Variants in STRBP observed in about 807,000 individuals in gnomAD.
STRBP encodes the protein spermatid perinuclear RNA-binding protein.
STRBP carries 13 observed loss-of-function variants against 80.1 expected under a neutral mutation model. That is an observed-to-expected ratio of 0.16 (90% CI 0.11 to 0.26). The LOEUF is 0.26. STRBP is among the 10% of genes least tolerant of loss of function. The pLI is 1.00. For missense variants in STRBP, 485 were observed against 815.2 expected, an observed-to-expected ratio of 0.59 and a Z score of 4.93; for synonymous variants, 284 against 291.2, an observed-to-expected ratio of 0.98 and a Z score of 0.25.
At chr9:123,261,616 G>T (rs1053397601) in intron 1 of STRBP, among the ~76,000 whole-genome samples, 1 of 152,154 alleles carries the variant, frequency 6.6e-6, no homozygotes, top group Non-Finnish European at 1.5e-5. Context: ...ATCACAGTTA[G>T]TACTTATTTT....
intron 16 of STRBP, among the ~76,000 whole-genome samples, chr9:123,134,081 C>T (rs78333148): frequency 0.023 from 3,548 of 151,912 alleles, 60 homozygotes; most frequent in Non-Finnish European, 0.031. Flanking sequence ...CAGATAACAC[C>T]GGGAGTAACA....
chr9:123,178,309 G>A (rs2132448348), intron 4 of STRBP, among the ~76,000 whole-genome samples: 1 of 152,286 alleles, frequency 6.6e-6, no homozygotes, highest in East Asian at 1.9e-4. Flanking sequence ...ATCTTTCAAA[G>A]TTAGACACTT....
chr9:123,135,954 A>C, intron 16 of STRBP, 87 bp downstream of exon 16: 1 of 1,535,586 alleles, frequency 6.5e-7, no homozygotes, highest in Non-Finnish European at 8.8e-7. Flanking sequence ...CTTCAGAAAA[A>C]GCTAAAGTGC....
At position 123,125,627 on chromosome 9, in the gene STRBP, T is replaced by G. The variant is rs137916924; in HGVS notation, c.1989A>C (p.Thr663=). The change falls in exon 19 of 19, where the codon ACA becomes ACC. Residue 663 remains threonine (T), a synonymous_variant. Coordinates refer to ENST00000348403, the MANE Select transcript of STRBP (RefSeq NM_018387.5). ...MVLLPVMKFP[T]YPVPHYSFF is the part of the protein sequence containing the mutation. ...AGAATGAGTAGTGGGGAACAGGATATGTTGGAAATTTCATAACGGGTAACA... is the reference window on the plus strand; with the variant it reads ...AGAATGAGTAGTGGGGAACAGGATAGGTTGGAAATTTCATAACGGGTAACA... 1 of 1,613,526 alleles carries G rather than the reference T, an allele frequency of 6.2e-7. No individual in the cohort carries two copies. The highest frequency in any genetic ancestry group is 8.5e-7 in the Non-Finnish European group (1 of 1,179,810).
chr9:123,235,129 T>C (rs1198179405), intron 2 of STRBP, among the ~76,000 whole-genome samples: 11 of 151,984 alleles, frequency 7.2e-5, no homozygotes, highest in Non-Finnish European at 1.6e-4. Context: ...TGAAAGTGTT[T>C]TTCCATCAAT....
rs2037359613 is a variant in STRBP at position 123,157,936 on chromosome 9, T to G, written c.1045+76A>C. 5 of 1,064,656 alleles carry G rather than the reference T, an allele frequency of 4.7e-6. No individual in the cohort carries two copies. The East Asian group carries it at 1.2e-4, about 25-fold the overall frequency. The allele number at this position is 1,064,656 out of a possible 1,614,324, so 66.0% of individuals were successfully genotyped here. ...TGCACAATTATTAAGTTCCCTAAGTTGTAATGAGAGATGAATCCCATGATT... is the reference window on the plus strand; with the variant it reads ...TGCACAATTATTAAGTTCCCTAAGTGGTAATGAGAGATGAATCCCATGATT... On this transcript the variant is annotated intron_variant, in intron 11 of 18. Coordinates refer to ENST00000348403, the MANE Select transcript of STRBP (RefSeq NM_018387.5).
chr9:123,149,251 C>T (rs1318819518), intron 11 of STRBP, among the ~76,000 whole-genome samples: 1 of 152,134 alleles, frequency 6.6e-6, no homozygotes, highest in East Asian at 1.9e-4. Flanking sequence ...CAATATTTAC[C>T]ACTCAGGTTA....
At chr9:123,191,798 T>C (rs2038936128) in intron 2 of STRBP, among the ~76,000 whole-genome samples, 2 of 152,182 alleles carry the variant, frequency 1.3e-5, no homozygotes, top group South Asian at 4.1e-4. Context: ...TTAGGGCCCT[T>C]CTGGTCACTT....
At chr9:123,198,543 A>G (rs1262617027) in intron 2 of STRBP, among the ~76,000 whole-genome samples, 1 of 151,810 alleles carries the variant, frequency 6.6e-6, no homozygotes, top group South Asian at 2.1e-4. Flanking sequence ...ACTTTCACCT[A>G]TTGTGTGGGT....
chr9:123,252,604 T>C (rs2040940083), intron 1 of STRBP, among the ~76,000 whole-genome samples: 1 of 152,238 alleles, frequency 6.6e-6, no homozygotes. Context: ...AAGTACCTAG[T>C]ATTTAGATAT....
intron 2 of STRBP, among the ~76,000 whole-genome samples, chr9:123,199,701 C>T (rs2039241148): frequency 6.6e-6 from 1 of 152,202 alleles, no homozygotes; most frequent in African/African-American, 2.4e-5. Flanking sequence ...TGGTGTATAG[C>T]AGTGCTATCG....
chr9:123,211,203 G>C (rs183636803), intron 2 of STRBP, among the ~76,000 whole-genome samples: 2 of 152,164 alleles, frequency 1.3e-5, no homozygotes, highest in African/African-American at 2.4e-5. Flanking sequence ...ATTCGACAAA[G>C]TGAATGAACT....
At chr9:123,234,987 CT>C (rs1364881130) in intron 2 of STRBP, among the ~76,000 whole-genome samples, 217 of 72,512 alleles carry the variant, frequency 3.0e-3, no homozygotes, top group Admixed American at 5.6e-3. Flanking sequence ...GTTCAACTGG[CT>C]TTTTTTTTGG....
intron 1 of STRBP, among the ~76,000 whole-genome samples, chr9:123,238,748 A>G (rs964805448): frequency 4.6e-5 from 7 of 152,236 alleles, no homozygotes; most frequent in African/African-American, 1.7e-4. Context: ...CTTTCTAACA[A>G]TAAATCTCAC....
At position 123,122,953 on chromosome 9, in the gene STRBP, C is replaced by T. The variant is rs200293589; in HGVS notation, c.*2644G>A. Reference sequence around the variant, plus strand: ...AAAGGAAAAGTTTTAAAACAGACACCGTGGCTTTGAACAAAGTATTGCTCT... The same window carrying T: ...AAAGGAAAAGTTTTAAAACAGACACTGTGGCTTTGAACAAAGTATTGCTCT... On this transcript the variant is annotated 3_prime_UTR_variant, in exon 19 of 19. Transcript: ENST00000348403. 4.4e-5 allele frequency: 43 copies of T among 985,404 alleles called. No individual in the cohort carries two copies. In the Admixed American group the frequency reaches 2.3e-3, roughly 52 times the overall value. 61.0% of individuals were successfully genotyped at this position (985,404 alleles called of 1,614,324 possible).
Position 123,110,538 on chromosome 9 carries a change from G to A in STRBP, c.*85-785C>T. On this transcript the variant is annotated intron_variant and NMD_transcript_variant, in intron 3 of 3. Transcript: ENST00000471564. The surrounding 1 kb of genome is among the most constrained non-coding windows in gnomAD (Gnocchi z 4.1). Reference sequence around the variant, plus strand: ...AGGCCTGAGTCCAAGGATGCTTTGGGGAAAACGGGATAAACACTGCTAGGA... The same window carrying A: ...AGGCCTGAGTCCAAGGATGCTTTGGAGAAAACGGGATAAACACTGCTAGGA... The A allele has an allele frequency of 5.9e-6, 1 of 169,534 alleles. No homozygotes were observed. The highest frequency in any genetic ancestry group is 1.5e-5 in the Non-Finnish European group (1 of 68,332). The allele number at this position is 169,534 out of a possible 1,614,324, so 10.5% of individuals were successfully genotyped here. A position where few individuals can be genotyped will look rare whatever the true frequency, so the allele number is the denominator to read the frequency against.
At chr9:123,241,008 G>A (rs569871212) in intron 1 of STRBP, among the ~76,000 whole-genome samples, 79 of 151,918 alleles carry the variant, frequency 5.2e-4, no homozygotes, top group Non-Finnish European at 5.7e-4. Context: ...GGAGAAACTC[G>A]ATCTTTACTA....
At chr9:123,216,377 A>G (rs2132545234) in intron 2 of STRBP, among the ~76,000 whole-genome samples, 1 of 152,374 alleles carries the variant, frequency 6.6e-6, no homozygotes, top group South Asian at 2.1e-4. Flanking sequence ...GCGAATAATC[A>G]AATGAATAAA....
At chr9:123,246,050 A>G (rs554753601) in intron 1 of STRBP, among the ~76,000 whole-genome samples, 18 of 152,360 alleles carry the variant, frequency 1.2e-4, no homozygotes, top group African/African-American at 4.3e-4. Context: ...CTGTAAGTAC[A>G]AAAATGGATA....
Sources: allele counts gnomAD v4.1 joint callset (sites outside exome capture counted in the v4.1 genomes callset), GRCh38; gene constraint gnomAD v4.1.1; non-coding constraint Gnocchi (gnomAD v3.1); transcripts MANE v1.5; gene names NCBI Gene and HGNC (gene_info 2026-07-23, HGNC 2026-07-21).